Variants in SNRNP200 observed in about 807,000 individuals in gnomAD.
SNRNP200 encodes U5 small nuclear ribonucleoprotein 200 kDa helicase.
In SNRNP200, 66 loss-of-function variants were observed where a neutral mutation model predicts 255.2. The ratio of observed to expected loss-of-function variants is 0.26; its 90% CI spans 0.21 to 0.32. The LOEUF is 0.32. Among genes scored for constraint, SNRNP200 ranks in the 10% least tolerant of loss-of-function variants. The pLI is 1.00. For missense variants in SNRNP200, 1,585 were observed against 2,749.8 expected, an observed-to-expected ratio of 0.58 and a Z score of 9.47; for synonymous variants, 939 against 1,027.8, an observed-to-expected ratio of 0.91 and a Z score of 1.65.
In SNRNP200 at chr2:96,281,814, G is replaced by C; in HGVS notation, c.5024C>G (p.Ala1675Gly). 6.2e-7 allele frequency: 1 copy of C among 1,606,296 alleles called. No individual in the cohort carries two copies. The highest frequency in any genetic ancestry group is 8.5e-7 in the Non-Finnish European group (1 of 1,172,838). ...DTQYYNGKIH[A>G]YVDYPIYDVL... ...AACACAGAGCACCAGTTGTACTCAC[G>C]CGTGGATCTTGCCATTGTAGTACTG... The change falls in exon 35 of 45, where the codon GCC becomes GGC. Residue 1675 changes from alanine (A) to glycine (G), a missense_variant and splice_region_variant. Ala to Gly is a moderately conservative substitution (Grantham distance 60, BLOSUM62 0). This residue lies in a region of SNRNP200 where 719 missense variants were observed against 1,091.1 expected (regional missense o/e 0.66). Coordinates refer to ENST00000323853, the MANE Select transcript of SNRNP200 (RefSeq NM_014014.5).
rs189429202 is a variant in SNRNP200, at chr2:96,274,732, G to C, written c.*280C>G. 47 of 486,000 alleles carry C rather than the reference G, an allele frequency of 9.7e-5. No individual in the cohort carries two copies. In the Admixed American group the frequency reaches 1.6e-3, roughly 16 times the overall value. 30.1% of individuals were successfully genotyped at this position (486,000 alleles called of 1,614,324 possible). On this transcript the variant is annotated 3_prime_UTR_variant, in exon 45 of 45. Coordinates refer to ENST00000323853, the MANE Select transcript of SNRNP200 (RefSeq NM_014014.5). Reference sequence around the variant, plus strand: ...ATTTGGAATCACTACAAAGACAAATGGTTTCTACAAATTATTTTATTAGAA... The same window carrying C: ...ATTTGGAATCACTACAAAGACAAATCGTTTCTACAAATTATTTTATTAGAA...
At chr2:96,305,085 C>T (rs2063978856) in intron 1 of SNRNP200, among the ~76,000 whole-genome samples, 1 of 152,170 alleles carries the variant, frequency 6.6e-6, no homozygotes, top group South Asian at 2.1e-4. Context: ...CTAAACAATT[C>T]TTGTTCCTAA....
chr2:96,295,331 G>A (rs998751240), intron 14 of SNRNP200, among the ~76,000 whole-genome samples, 157 bp downstream of exon 14: 30 of 152,230 alleles, frequency 2.0e-4, no homozygotes, highest in African/African-American at 6.8e-4. Context: ...CTCTGTCATC[G>A]TGGAGAAGAT....
At chr2:96,282,206 C>CCTCTGACCA in intron 34 of SNRNP200, 1 of 412,748 alleles carries the variant, frequency 2.4e-6, no homozygotes, top group Non-Finnish European at 4.6e-6. Flanking sequence ...ATGGACTGCT[C>CCTCTGACCA]CTCTGACCAG....
Position 96,297,429 on chromosome 2 carries a change from G to C in SNRNP200, c.1311C>G (p.Arg437=), listed in dbSNP as rs1409458968. 2 of 1,614,184 alleles carry C rather than the reference G, an allele frequency of 1.2e-6. No individual in the cohort carries two copies. Among genetic ancestry groups the C allele is most frequent in the Admixed American group, 1.7e-5 (1 of 60,016 alleles). The change falls in exon 11 of 45, where the codon CGC becomes CGG. Residue 437 remains arginine, a synonymous_variant. Coordinates refer to ENST00000323853, the MANE Select transcript of SNRNP200 (RefSeq NM_014014.5). ...RCQLPDGSFR[R]QRKGYEEVHV... ...GCACCTCTTCATAGCCCTTACGCTG[G>C]CGACGGAAGGATCCATCAGGAAGCT... is the stretch of plus-strand genomic sequence containing the variant.
At position 96,285,294 on chromosome 2, in the gene SNRNP200, G is replaced by A. The variant is rs974277435; in HGVS notation, c.4050C>T (p.Ala1350=). 4 of 1,614,126 alleles carry A rather than the reference G, an allele frequency of 2.5e-6. No homozygotes were observed. In the South Asian group the frequency reaches 4.4e-5, roughly 18 times the overall value. Residue 1350 remains alanine (A), a synonymous_variant, in exon 30 of 45, where the codon GCC becomes GCT. Coordinates refer to ENST00000323853, the MANE Select transcript of SNRNP200 (RefSeq NM_014014.5). ...AAATAGTCTTCCCGCTGCCCGTGGG[G>A]GCCCCCACAAACACGTTGTCGTCAC... ...YNSDDNVFVG[A]PTGSGKTICA... is the part of the protein sequence containing the mutation.
At chr2:96,284,085 A>G in intron 31 of SNRNP200, 81 bp from the exon 32 acceptor site, 1 of 1,334,344 alleles carries the variant, frequency 7.5e-7, no homozygotes, top group Non-Finnish European at 1.0e-6. Context: ...TGAACAGCCC[A>G]ACAGCCTCAA....
At chr2:96,297,977 G>A (rs75996508) in intron 9 of SNRNP200, among the ~76,000 whole-genome samples, 5,070 of 152,312 alleles carry the variant, frequency 0.033, 127 homozygotes, top group Middle Eastern at 0.076. Context: ...CTGAGGGGTC[G>A]AAGGGTGGGT....
In SNRNP200 at chr2:96,298,923, C is replaced by T. The variant is rs1335178749; in HGVS notation, c.774G>A (p.Leu258=). The T allele has an allele frequency of 1.2e-6, 2 of 1,614,146 alleles. No homozygotes were observed. The highest frequency in any genetic ancestry group is 1.7e-6 in the Non-Finnish European group (2 of 1,180,026). The change falls in exon 7 of 45, where the codon TTG becomes TTA. Residue 258 remains leucine, a synonymous_variant. Transcript: ENST00000323853. ...GELMSSKKKD[L]HPRDIDAFWL... is the part of the protein sequence containing the mutation. ...AAAATGCATCAATATCCCGAGGGTG[C>T]AAATCCTTCTTCTTGGAACTCATCA...
At position 96,296,712 on chromosome 2, in the gene SNRNP200, G is replaced by A. The variant is rs368997254; in HGVS notation, c.1516-21C>T. ...GCACCCTACGGGAGAGGTCAGGGAT[G>A]AGAACGCCTATTCACCTGGTTATTC... On this transcript the variant is annotated intron_variant, in intron 12 of 44. Coordinates refer to ENST00000323853, the MANE Select transcript of SNRNP200 (RefSeq NM_014014.5). 2.0e-5 allele frequency: 32 copies of A among 1,613,860 alleles called. No individual in the cohort carries two copies. The African/African-American group carries it at 2.4e-4, about 12-fold the overall frequency.
intron 6 of SNRNP200, 101 bp downstream of exon 6, chr2:96,299,228 A>T (rs755491106): frequency 6.1e-6 from 7 of 1,151,746 alleles, no homozygotes; most frequent in Admixed American, 1.7e-5. Context: ...TCACTCCAGC[A>T]AAAAGTGGCT....
chr2:96,287,303 G>C lies in SNRNP200; in HGVS notation c.3484+136C>G, dbSNP rs908290209. 1.6e-6 allele frequency: 2 copies of C among 1,229,894 alleles called. No homozygotes were observed. The highest frequency in any genetic ancestry group is 1.7e-5 in the Admixed American group (1 of 59,484). The allele number at this position is 1,229,894 out of a possible 1,614,324, so 76.2% of individuals were successfully genotyped here. On this transcript the variant is annotated intron_variant, in intron 26 of 44. Coordinates refer to ENST00000323853, the MANE Select transcript of SNRNP200 (RefSeq NM_014014.5). This position sits in a 1 kb window ranked among gnomAD's most constrained non-coding sequence, Gnocchi z 5.7. Reference sequence around the variant, plus strand: ...AGGATTCCAAGTCCCCAGACCAAGGGCCAGCCTGTACTTCAGTGGGACTTG... The same window carrying C: ...AGGATTCCAAGTCCCCAGACCAAGGCCCAGCCTGTACTTCAGTGGGACTTG...
chr2:96,282,086 A>G, intron 34 of SNRNP200, 164 bp from the exon 35 acceptor site: 1 of 626,588 alleles, frequency 1.6e-6, no homozygotes. Flanking sequence ...ACACATTGCT[A>G]TGAGGTAGCT....
intron 14 of SNRNP200, 147 bp from the exon 15 acceptor site, chr2:96,293,656 G>C: frequency 2.8e-6 from 2 of 713,264 alleles, no homozygotes; most frequent in South Asian, 1.7e-5. Flanking sequence ...AAAGGATGGA[G>C]ACAATATTTC....
At position 96,287,449 on chromosome 2, in the gene SNRNP200, A is replaced by G; in HGVS notation, c.3474T>C (p.His1158=). Residue 1158 remains histidine, a synonymous_variant, in exon 26 of 45, where the codon CAT becomes CAC. Coordinates refer to ENST00000323853, the MANE Select transcript of SNRNP200 (RefSeq NM_014014.5). The surrounding 1 kb of genome is among the most constrained non-coding windows in gnomAD (Gnocchi z 5.7). The part of the protein sequence containing the change: ...FPFERLYDLN[H]NEIGELIRMP... ...GAGCATCCCACACACCAATCTCATT[A>G]TGATTCAGGTCGTACAGACGCTCAA... 1 of 1,608,940 alleles carries G rather than the reference A, an allele frequency of 6.2e-7. No individual in the cohort carries two copies. The highest frequency in any genetic ancestry group is 8.5e-7 in the Non-Finnish European group (1 of 1,175,258).
In SNRNP200 at chr2:96,275,294, A is replaced by T; in HGVS notation, c.6230T>A (p.Ile2077Asn). The T allele has an allele frequency of 1.2e-6, 2 of 1,614,128 alleles. No homozygotes were observed. The highest frequency in any genetic ancestry group is 1.7e-6 in the Non-Finnish European group (2 of 1,180,034). The change falls in exon 44 of 45, where the codon ATC becomes AAC. Residue 2077 changes from isoleucine to asparagine, a missense_variant. By Grantham distance (149) the Ile-to-Asn change is moderately radical. Around this residue, in one of 9 missense-constraint regions of SNRNP200, gnomAD observed 279 missense variants for 551.2 expected, o/e 0.51. Transcript: ENST00000323853. ...VIGDAKSNSL[I>N]SIKRLTLQQK... ...CTGCAAGGTCAGCCTCTTGATGGAG[A>T]TGAGGCTATTGGACTTGGCATCTCC...
At chr2:96,289,734 A>C (rs970804674) in intron 21 of SNRNP200, 65 bp downstream of exon 21, 1 of 1,505,452 alleles carries the variant, frequency 6.6e-7, no homozygotes, top group Non-Finnish European at 9.2e-7. Context: ...AGCAATCTGA[A>C]AAATTTTTTC....
intron 9 of SNRNP200, 83 bp from the exon 10 acceptor site, chr2:96,297,803 T>C (rs1310060588): frequency 8.4e-6 from 12 of 1,436,684 alleles, no homozygotes; most frequent in Non-Finnish European, 1.2e-5. Flanking sequence ...GCTTAGCTAA[T>C]ACTTGAGTCA....
At position 96,278,330 on chromosome 2, in the gene SNRNP200, C is replaced by T. The variant is rs1684703517; in HGVS notation, c.5517G>A (p.Lys1839=). The T allele has an allele frequency of 6.2e-7, 1 of 1,614,034 alleles. No homozygotes were observed. Among genetic ancestry groups the T allele is most frequent in the African/African-American group, 1.3e-5 (1 of 74,912 alleles). Residue 1839 remains lysine (K), a synonymous_variant, in exon 39 of 45, where the codon AAG becomes AAA. Transcript: ENST00000323853. This position sits in a 1 kb window ranked among gnomAD's most constrained non-coding sequence, Gnocchi z 6.9. ...TCTCGATAAGCCCTCGCACCTTGGT[C>T]TTGGCATTGAGGGACATGCTGAAGA... ...IELFSMSLNA[K]TKVRGLIEII... is the part of the protein sequence containing the mutation.
Sources: gnomAD v4.1 joint callset for allele counts (sites outside exome capture counted in the v4.1 genomes callset) on GRCh38, gnomAD v4.1.1 for gene constraint, gnomAD v4.1.1 regional missense constraint, Gnocchi (gnomAD v3.1) non-coding constraint, MANE v1.5 for transcripts, NCBI Gene and HGNC (gene_info 2026-07-23, HGNC 2026-07-21) for gene names.